The following ASTN1 variants were observed in gnomAD, a reference collection of about 807,000 sequenced individuals.
ASTN1 encodes astrotactin 1.
In ASTN1, 41 loss-of-function variants were observed where a neutral mutation model predicts 140.7. That is an observed-to-expected ratio of 0.29 (90% confidence interval 0.23 to 0.38). The LOEUF (loss-of-function observed/expected upper bound fraction) is 0.38, where lower values mean the gene tolerates loss of function less well. Ranked by LOEUF, ASTN1 falls within the 10% of genes least tolerant of loss-of-function variation. The probability of loss-of-function intolerance (pLI) is 1.00; values close to 1 mark genes in which losing one functional copy is unlikely to be tolerated. For synonymous variants in ASTN1, 640 were observed against 652.2 expected, an observed-to-expected ratio of 0.98 and a Z score of 0.29; for missense variants, 1,479 against 1,678.8, an observed-to-expected ratio of 0.88 and a Z score of 2.08.
chr1:177,014,965 G>T (rs1374297109), intron 7 of ASTN1, 90 bp from the exon 8 acceptor site: 5 of 1,184,028 alleles, frequency 4.2e-6, no homozygotes, highest in East Asian at 2.4e-5. Context: ...AAATAGTCAG[G>T]GTAAACTCTT....
chr1:177,150,469 G>A (rs1252948126), intron 1 of ASTN1, among the ~76,000 whole-genome samples: 1 of 152,000 alleles, frequency 6.6e-6, no homozygotes, highest in African/African-American at 2.4e-5. Flanking sequence ...CTGAAATTGA[G>A]GATTCTAATA....
chr1:177,069,517 G>A (rs1008061140), intron 1 of ASTN1, among the ~76,000 whole-genome samples: 1 of 152,158 alleles, frequency 6.6e-6, no homozygotes, highest in Non-Finnish European at 1.5e-5. Context: ...GTGGGAAGCA[G>A]AGGGTGGCTT....
intron 16 of ASTN1, among the ~76,000 whole-genome samples, chr1:176,933,532 A>C (rs1671296910): frequency 1.3e-5 from 2 of 152,360 alleles, no homozygotes; most frequent in African/African-American, 4.8e-5. Context: ...GGGTGAATCA[A>C]GAAGGTATAA....
At chr1:177,018,878 C>T (rs550850835) in intron 7 of ASTN1, among the ~76,000 whole-genome samples, 1 of 152,210 alleles carries the variant, frequency 6.6e-6, no homozygotes, top group Non-Finnish European at 1.5e-5. Flanking sequence ...GAGCATTAAG[C>T]CATGCAGCCC....
chr1:176,989,990 T>C (rs552011853), intron 8 of ASTN1, among the ~76,000 whole-genome samples: 1 of 152,074 alleles, frequency 6.6e-6, no homozygotes, highest in East Asian at 1.9e-4. Context: ...TGACTCTCAG[T>C]GGATTTGGGT....
chr1:176,976,172 C>G (rs767450901), intron 8 of ASTN1: 1 of 152,114 alleles, frequency 6.6e-6, no homozygotes, highest in Non-Finnish European at 1.5e-5. Flanking sequence ...ATCAACAGTT[C>G]CATGAAAACA....
chr1:176,959,523 A>C (rs1672562891), intron 9 of ASTN1, among the ~76,000 whole-genome samples: 1 of 152,124 alleles, frequency 6.6e-6, no homozygotes, highest in Non-Finnish European at 1.5e-5. Context: ...TTTATTTAAA[A>C]AAAAAAAATG....
At chr1:176,918,938 A>G (rs1253975678) in intron 16 of ASTN1, among the ~76,000 whole-genome samples, 1 of 151,824 alleles carries the variant, frequency 6.6e-6, no homozygotes, top group African/African-American at 2.4e-5. Context: ...TACACTGGCC[A>G]TTTCCTCTTC....
chr1:176,869,130 TAAAC>T, intron 21 of ASTN1, 103 bp from the exon 22 acceptor site: 21 of 764,072 alleles, frequency 2.7e-5, no homozygotes, highest in South Asian at 4.5e-5. Context: ...ATATCACATA[TAAAC>T]ATATGTAGAT....
At chr1:177,029,411 T>A (rs1251451847) in intron 5 of ASTN1, 2 of 740,100 alleles carry the variant, frequency 2.7e-6, no homozygotes, top group Admixed American at 3.5e-5. Context: ...TGGAAACTTG[T>A]TTGAGAGTGC....
chr1:177,067,182 GGGATA>G (rs1469559433), intron 1 of ASTN1, among the ~76,000 whole-genome samples: 1 of 151,990 alleles, frequency 6.6e-6, no homozygotes, highest in East Asian at 1.9e-4. Context: ...CTCCTATGAG[GGGATA>G]GGATAGGAGG....
At chr1:177,155,167 T>G (rs1158314167) in intron 1 of ASTN1, among the ~76,000 whole-genome samples, 1 of 152,076 alleles carries the variant, frequency 6.6e-6, no homozygotes, top group Non-Finnish European at 1.5e-5. Flanking sequence ...AAAACTACAT[T>G]GATGGTAAAA....
intron 2 of ASTN1, among the ~76,000 whole-genome samples, chr1:177,037,988 A>G (rs572731481): frequency 1.3e-5 from 2 of 152,328 alleles, no homozygotes; most frequent in East Asian, 3.9e-4. Context: ...TTTGTCAGAT[A>G]ATTTGTAGAT....
At chr1:176,887,378 C>T (rs1669073156) in intron 18 of ASTN1, among the ~76,000 whole-genome samples, 3 of 152,190 alleles carry the variant, frequency 2.0e-5, no homozygotes, top group South Asian at 2.1e-4. Flanking sequence ...TATTCATCTT[C>T]CCAGCCACCA....
At chr1:176,918,400 A>G (rs1484308640) in intron 16 of ASTN1, among the ~76,000 whole-genome samples, 1 of 152,118 alleles carries the variant, frequency 6.6e-6, no homozygotes, top group Non-Finnish European at 1.5e-5. Context: ...CCCCTTAGAT[A>G]TCTCTATGGT....
intron 1 of ASTN1, among the ~76,000 whole-genome samples, chr1:177,072,526 C>T (rs1254931894): frequency 1.3e-5 from 2 of 152,168 alleles, no homozygotes; most frequent in East Asian, 3.9e-4. Context: ...CATCTAATCC[C>T]TGCTGGGAGA....
chr1:177,121,623 G>C (rs896902439), intron 1 of ASTN1, among the ~76,000 whole-genome samples: 1 of 152,156 alleles, frequency 6.6e-6, no homozygotes, highest in African/African-American at 2.4e-5. Context: ...CACAAAAAGT[G>C]ATTTGTAAAA....
chr1:176,948,267 C>T (rs868386579), intron 12 of ASTN1, among the ~76,000 whole-genome samples: 3 of 149,626 alleles, frequency 2.0e-5, no homozygotes, highest in Admixed American at 6.7e-5. Flanking sequence ...AAGTTCTGTC[C>T]TTAGCAGGTC....
At chr1:177,002,328 G>A (rs1674766698) in intron 8 of ASTN1, among the ~76,000 whole-genome samples, 1 of 151,560 alleles carries the variant, frequency 6.6e-6, no homozygotes, top group African/African-American at 2.4e-5. Flanking sequence ...CTGTGATTCT[G>A]GTCAATGTAC....
Sources: allele counts gnomAD v4.1 joint callset (sites outside exome capture counted in the v4.1 genomes callset), GRCh38; gene constraint gnomAD v4.1.1; transcripts MANE v1.5; gene names NCBI Gene and HGNC (gene_info 2026-07-23, HGNC 2026-07-21).